PKN2: variants seen among roughly 807,000 people sequenced by gnomAD.
PKN2 encodes serine/threonine-protein kinase N2.
In PKN2, 38 loss-of-function variants were observed where a neutral mutation model predicts 119.1. The ratio of observed to expected loss-of-function variants is 0.32; its 90% CI spans 0.25 to 0.42. PKN2 has a LOEUF of 0.42. Ranked by LOEUF, PKN2 falls within the 10% of genes least tolerant of loss-of-function variation. The pLI is 1.00. For missense variants in PKN2, 850 were observed against 1,165.1 expected, an observed-to-expected ratio of 0.73 and a Z score of 3.94; for synonymous variants, 390 against 384.9, an observed-to-expected ratio of 1.01 and a Z score of -0.15.
intron 8 of PKN2, among the ~76,000 whole-genome samples, chr1:88,794,180 G>A (rs1336204632): frequency 6.6e-6 from 1 of 152,016 alleles, no homozygotes; most frequent in Non-Finnish European, 1.5e-5. Context: ...CCAGCCTGAC[G>A]AACATGGAGA....
chr1:88,738,632 A>G (rs1668452905), intron 1 of PKN2, among the ~76,000 whole-genome samples: 1 of 152,260 alleles, frequency 6.6e-6, no homozygotes. Flanking sequence ...GAAATAAGGA[A>G]TAATTTCCTG....
At chr1:88,781,963 GT>G (rs1670364798) in intron 6 of PKN2, among the ~76,000 whole-genome samples, 1 of 151,878 alleles carries the variant, frequency 6.6e-6, no homozygotes, top group African/African-American at 2.4e-5. Flanking sequence ...ACCTCCCAAC[GT>G]TAATAGCCTT....
chr1:88,732,707 T>C (rs1348405330), intron 1 of PKN2, among the ~76,000 whole-genome samples: 9 of 152,224 alleles, frequency 5.9e-5, no homozygotes, highest in Admixed American at 5.9e-4. Flanking sequence ...TCTTGAGTTT[T>C]ATAATTCTAT....
chr1:88,743,120 G>T (rs1421554553), intron 2 of PKN2, among the ~76,000 whole-genome samples: 1 of 152,194 alleles, frequency 6.6e-6, no homozygotes, highest in Non-Finnish European at 1.5e-5. Context: ...AACCCAGGAA[G>T]CAGAGGTTGT....
chr1:88,745,153 C>T (rs1557582777), intron 2 of PKN2, among the ~76,000 whole-genome samples: 1 of 152,282 alleles, frequency 6.6e-6, no homozygotes, highest in Non-Finnish European at 1.5e-5. Flanking sequence ...CCACAACTAA[C>T]ATTGTACTTA....
rs986768134 is a variant in PKN2, at chr1:88,835,379, T to C, written c.*1931T>C. 3.9e-5 allele frequency: 6 copies of C among 152,412 alleles called. No individual in the cohort carries two copies. The highest frequency in any genetic ancestry group is 3.9e-4 in the Admixed American group (6 of 15,244). 9.4% of individuals were successfully genotyped at this position (152,412 alleles called of 1,614,324 possible). On this transcript the variant is annotated 3_prime_UTR_variant, in exon 22 of 22. Transcript: ENST00000370521. ...TACAGTCTGCTCACTTTTTTGGTTC[T>C]CAAATAGCAAAGAAAGTAATGTCTA...
chr1:88,723,017 G>A (rs1228184148), intron 1 of PKN2, among the ~76,000 whole-genome samples: 3 of 152,118 alleles, frequency 2.0e-5, no homozygotes, highest in Non-Finnish European at 2.9e-5. Context: ...ATCAAGGATC[G>A]CTTTCCACCT....
At chr1:88,753,229 C>CT (rs965015664) in intron 2 of PKN2, among the ~76,000 whole-genome samples, 34 of 152,100 alleles carry the variant, frequency 2.2e-4, no homozygotes, top group Non-Finnish European at 3.2e-4. Flanking sequence ...CACTTCATGA[C>CT]TTTTTTATTT....
intron 18 of PKN2, among the ~76,000 whole-genome samples, chr1:88,826,764 G>A (rs1672514942): frequency 6.6e-6 from 1 of 152,068 alleles, no homozygotes; most frequent in African/African-American, 2.4e-5. Flanking sequence ...TCTAGAGCCT[G>A]ATATTAACCA....
chr1:88,798,990 AC>A (rs57834407), intron 8 of PKN2, among the ~76,000 whole-genome samples: 6,116 of 151,642 alleles, frequency 0.04, 193 homozygotes, highest in African/African-American at 0.084. Context: ...ATCTTATGTA[AC>A]AATATAGGTT....
chr1:88,769,598 T>C (rs1669804212), intron 3 of PKN2, among the ~76,000 whole-genome samples: 1 of 152,104 alleles, frequency 6.6e-6, no homozygotes. Flanking sequence ...GATGTATATA[T>C]ATATGTATAT....
intron 8 of PKN2, among the ~76,000 whole-genome samples, chr1:88,795,459 G>C (rs1377576629): frequency 6.6e-6 from 1 of 152,074 alleles, no homozygotes; most frequent in Non-Finnish European, 1.5e-5. Context: ...CAAGATTCTT[G>C]AAAAATAAGT....
At position 88,792,653 on chromosome 1, in the gene PKN2, T is replaced by TA. The variant is rs542841949; in HGVS notation, c.1281+6441dup. Reference sequence around the variant, plus strand: ...CATAGACAGTCTATTTTGCAAAAAATACAAGGTTTTTGTGCCTGCCGTCTT... The same window carrying TA: ...CATAGACAGTCTATTTTGCAAAAAATAACAAGGTTTTTGTGCCTGCCGTCTT... On this transcript the variant is annotated intron_variant, in intron 8 of 21. Coordinates refer to ENST00000370521, the MANE Select transcript of PKN2 (RefSeq NM_006256.4). Among the ~76,000 whole-genome samples the TA allele has an allele frequency of 1.4e-3, 209 of 152,244 alleles. 3 individuals carry two copies. In the South Asian group the frequency reaches 0.015, roughly 11 times the overall value.
chr1:88,760,403 T>C (rs1265403544), intron 3 of PKN2, 27 bp downstream of exon 3: 5 of 1,265,314 alleles, frequency 4.0e-6, no homozygotes, highest in Non-Finnish European at 5.5e-6. Flanking sequence ...AATGTAACTA[T>C]ATAGTCAGTC....
At chr1:88,695,007 G>A (rs945574791) in intron 1 of PKN2, among the ~76,000 whole-genome samples, 1 of 152,072 alleles carries the variant, frequency 6.6e-6, no homozygotes, top group African/African-American at 2.4e-5. Flanking sequence ...GGCGCCTGTA[G>A]TCCCAGCTAT....
intron 17 of PKN2, 151 bp from the exon 18 acceptor site, chr1:88,824,159 G>GT (rs2100921465): frequency 1.8e-6 from 1 of 552,322 alleles, no homozygotes; most frequent in East Asian, 2.9e-5. Context: ...GAATGTTTGT[G>GT]TTATAGTATT....
At position 88,772,659 on chromosome 1, in the gene PKN2, G is replaced by C. The variant is rs563327384; in HGVS notation, c.985+780G>C. ...AACATTTACGTGCAGGTTTTTGCTT[G>C]AACATCTGTTTTCAATTTGGGGGTA... is the stretch of plus-strand genomic sequence containing the variant. On this transcript the variant is annotated intron_variant, in intron 6 of 21. Coordinates refer to ENST00000370521, the MANE Select transcript of PKN2 (RefSeq NM_006256.4). 2.8e-4 allele frequency among the ~76,000 whole-genome samples: 42 copies of C among 152,178 alleles called. 1 individual carries two copies. The South Asian group carries it at 8.1e-3, about 29-fold the overall frequency.
chr1:88,809,924 C>T (rs946177700), intron 15 of PKN2, among the ~76,000 whole-genome samples: 1 of 151,748 alleles, frequency 6.6e-6, no homozygotes, highest in Non-Finnish European at 1.5e-5. Context: ...ACTTAAATCT[C>T]CACTTTTCAG....
chr1:88,750,054 G>T (rs1211499399), intron 2 of PKN2, among the ~76,000 whole-genome samples: 1 of 152,130 alleles, frequency 6.6e-6, no homozygotes, highest in African/African-American at 2.4e-5. Context: ...AACCTGTCGA[G>T]ACCTTGGTTT....
Sources: gnomAD v4.1 joint callset for allele counts (sites outside exome capture counted in the v4.1 genomes callset) on GRCh38, gnomAD v4.1.1 for gene constraint, MANE v1.5 for transcripts, NCBI Gene and HGNC (gene_info 2026-07-23, HGNC 2026-07-21) for gene names.